USH2A: variants seen among roughly 807,000 people sequenced by gnomAD.
USH2A encodes Usher syndrome 2A (autosomal recessive, mild).
USH2A carries 443 observed loss-of-function variants against 538.9 expected under a neutral mutation model. The ratio of observed to expected loss-of-function variants is 0.82; its 90% confidence interval spans 0.76 to 0.89. USH2A has a LOEUF of 0.89. USH2A is among the 40% of genes least tolerant of loss of function. The pLI is 0.00. For synonymous variants in USH2A, 2,413 were observed against 2,273.5 expected (o/e 1.06, Z -1.75); for missense variants, 6,633 against 6,324.8 (o/e 1.05, Z -1.65).
Position 216,246,933 on chromosome 1 carries a change from C to T in USH2A, c.2461G>A (p.Val821Ile). The T allele has an allele frequency of 6.2e-7, 1 of 1,614,114 alleles. No individual in the cohort carries two copies. The highest frequency in any genetic ancestry group is 8.5e-7 in the Non-Finnish European group (1 of 1,180,000). Residue 821 changes from valine to isoleucine, a missense_variant, in exon 13 of 72, where the codon GTT becomes ATT. Coordinates refer to ENST00000307340, the MANE Select transcript of USH2A (RefSeq NM_206933.4). ...CATTTATTGCACTGTCTCCCTTCAA[C>T]ATTGGGCTTGCAGATGCACTGCCCT... The part of the protein sequence containing the change: ...KTGQCICKPN[V>I]EGRQCNKCLE...
chr1:216,023,741 G>C (rs17025886), intron 32 of USH2A, among the ~76,000 whole-genome samples: 39,618 of 151,852 alleles, frequency 0.26, 6,041 homozygotes, highest in African/African-American at 0.42. Context: ...ACAGTACCTG[G>C]AATAGGATGG....
intron 21 of USH2A, among the ~76,000 whole-genome samples, chr1:216,120,423 AG>A (rs1327088118): frequency 5.9e-5 from 9 of 151,742 alleles, no homozygotes; most frequent in African/African-American, 2.2e-4. Flanking sequence ...TCTGTCACCC[AG>A]GCTGGAGTGC....
chr1:215,762,053 A>T (rs1251948393), intron 56 of USH2A, among the ~76,000 whole-genome samples: 3 of 152,182 alleles, frequency 2.0e-5, no homozygotes, highest in African/African-American at 7.2e-5. Context: ...AATGTCTCAA[A>T]CATCCCAACT....
chr1:215,836,464 T>TTATATA (rs1356176708), intron 47 of USH2A, among the ~76,000 whole-genome samples: 2 of 27,916 alleles, frequency 7.2e-5, no homozygotes, highest in African/African-American at 2.3e-4. Flanking sequence ...TGTATATATA[T>TTATATA]TATATATATA....
Position 216,250,915 on chromosome 1 carries a change from C to A in USH2A, c.2155G>T (p.Ala719Ser), listed in dbSNP as rs1407269297. 1 of 1,613,802 alleles carries A rather than the reference C, an allele frequency of 6.2e-7. No individual in the cohort carries two copies. Among genetic ancestry groups the A allele is most frequent in the East Asian group, 2.2e-5 (1 of 44,820 alleles). Residue 719 changes from alanine to serine, a missense_variant, in exon 12 of 72, where the codon GCA (alanine) becomes TCA (serine). By Grantham distance (99) the Ala-to-Ser change is moderately conservative (BLOSUM62 1). Coordinates refer to ENST00000307340, the MANE Select transcript of USH2A (RefSeq NM_206933.4). The part of the protein sequence containing the change: ...HQNSGQCKCK[A>S]NVIGLRCDHC... ...GCGTTACACGTACCAATAACGTTTGCTTTGCACTTGCACTGGCCTGAATTT... is the reference window on the plus strand; with the variant it reads ...GCGTTACACGTACCAATAACGTTTGATTTGCACTTGCACTGGCCTGAATTT...
chr1:216,269,081 G>A (rs922942158), intron 11 of USH2A, among the ~76,000 whole-genome samples: 2 of 149,092 alleles, frequency 1.3e-5, no homozygotes, highest in Non-Finnish European at 2.9e-5. Context: ...TCATTTGACA[G>A]AAGAAGAATT....
chr1:216,182,793 G>A (rs1034462440), intron 20 of USH2A, among the ~76,000 whole-genome samples: 2 of 152,058 alleles, frequency 1.3e-5, no homozygotes, highest in East Asian at 3.9e-4. Flanking sequence ...AAGTCTGTCA[G>A]ATTTACTAAT....
intron 44 of USH2A, among the ~76,000 whole-genome samples, chr1:215,854,370 A>G (rs1268692764): frequency 6.6e-6 from 1 of 152,036 alleles, no homozygotes; most frequent in Non-Finnish European, 1.5e-5. Context: ...TCAGGATGAG[A>G]TTTGGGTGGG....
intron 44 of USH2A, among the ~76,000 whole-genome samples, chr1:215,861,281 T>C: frequency 6.6e-6 from 1 of 152,364 alleles, no homozygotes; most frequent in Admixed American, 6.5e-5. Flanking sequence ...AATAGATATA[T>C]TAATTATTCA....
chr1:215,764,848 G>T (rs976709948), intron 56 of USH2A, among the ~76,000 whole-genome samples: 1 of 151,804 alleles, frequency 6.6e-6, no homozygotes, highest in East Asian at 1.9e-4. Flanking sequence ...TCATATATGG[G>T]TTATATATAA....
intron 53 of USH2A, 52 bp from the exon 54 acceptor site, chr1:215,782,248 T>C: frequency 7.6e-6 from 12 of 1,586,662 alleles, no homozygotes; most frequent in Non-Finnish European, 1.0e-5. Flanking sequence ...ATTTTAACTA[T>C]TTGCAAACAA....
At chr1:216,201,879 G>A (rs561975307) in intron 16 of USH2A, 1 of 161,392 alleles carries the variant, frequency 6.2e-6, no homozygotes, top group Non-Finnish European at 1.4e-5. Context: ...GAATAGAAGA[G>A]ACAGGGGAAA....
chr1:215,829,547 T>C (rs1464863757), intron 47 of USH2A, among the ~76,000 whole-genome samples: 1 of 152,226 alleles, frequency 6.6e-6, no homozygotes, highest in Non-Finnish European at 1.5e-5. Context: ...GATGTTTTTC[T>C]GGAAGGATTT....
intron 68 of USH2A, 79 bp from the exon 69 acceptor site, chr1:215,639,317 G>A (rs1482628861): frequency 7.7e-7 from 1 of 1,304,808 alleles, no homozygotes; most frequent in East Asian, 2.3e-5. Context: ...AAAGAGCAAT[G>A]CATCATAGCA....
chr1:216,359,157 A>T (rs2038443567), intron 4 of USH2A, among the ~76,000 whole-genome samples: 2 of 152,132 alleles, frequency 1.3e-5, no homozygotes, highest in African/African-American at 4.8e-5. Context: ...TTGCTTCTTC[A>T]CATGAGTTTA....
At chr1:216,375,213 G>C (rs774893891) in intron 3 of USH2A, among the ~76,000 whole-genome samples, 1 of 152,076 alleles carries the variant, frequency 6.6e-6, no homozygotes, top group Non-Finnish European at 1.5e-5. Flanking sequence ...TCTTATTTTT[G>C]GAGCTTTGAA....
chr1:216,342,867 C>A lies in USH2A; in HGVS notation c.785-15213G>T, dbSNP rs1213983942. 2.6e-5 allele frequency among the ~76,000 whole-genome samples: 4 copies of A among 151,724 alleles called. No individual in the cohort carries two copies. The South Asian group carries it at 6.2e-4, about 24-fold the overall frequency. ...GGGGAGGGGAGAGAGAGCATCAGGA[C>A]AAACAGTTAAGGCATGTGGGGCTTA... On this transcript the variant is annotated intron_variant, in intron 4 of 71. Transcript: ENST00000307340.
chr1:216,275,586 A>G (rs1489641889), intron 11 of USH2A, among the ~76,000 whole-genome samples: 2 of 152,130 alleles, frequency 1.3e-5, no homozygotes, highest in Non-Finnish European at 2.9e-5. Context: ...ATAGATTTTG[A>G]GAGGAAGGTA....
intron 26 of USH2A, among the ~76,000 whole-genome samples, chr1:216,079,672 C>T (rs1030755648): frequency 1.3e-5 from 2 of 152,144 alleles, no homozygotes; most frequent in Non-Finnish European, 2.9e-5. Flanking sequence ...AACCAAAACT[C>T]ATATTCTTCC....
Sources: gnomAD v4.1 joint callset for allele counts (sites outside exome capture counted in the v4.1 genomes callset) on GRCh38, gnomAD v4.1.1 for gene constraint, MANE v1.5 for transcripts, NCBI Gene and HGNC (gene_info 2026-07-23, HGNC 2026-07-21) for gene names.